The following L3MBTL4 variants were observed in gnomAD, a reference collection of about 807,000 sequenced individuals.
L3MBTL4 encodes L3MBTL histone methyl-lysine binding protein 4, also known as lethal(3)malignant brain tumor-like protein 4.
A neutral mutation model predicts 84.5 loss-of-function variants in L3MBTL4; 70 were observed. The ratio of observed to expected loss-of-function variants is 0.83; its 90% CI spans 0.68 to 1.01. The LOEUF (loss-of-function observed/expected upper bound fraction) is 1.01. Ranked by LOEUF, L3MBTL4 falls within the 50% of genes least tolerant of loss-of-function variation. The probability of loss-of-function intolerance (pLI) is 0.00; values close to 1 mark genes in which losing one functional copy is unlikely to be tolerated. For synonymous variants in L3MBTL4, 274 were observed against 259.8 expected (o/e 1.05, Z -0.52); for missense variants, 715 against 754.8 (o/e 0.95, Z 0.62).
At chr18:5,985,019 T>TA (rs1345960413) in intron 16 of L3MBTL4, among the ~76,000 whole-genome samples, 2 of 151,950 alleles carry the variant, frequency 1.3e-5, no homozygotes, top group Admixed American at 6.6e-5. Flanking sequence ...ATAACAGCAC[T>TA]ATGGGAAGGA....
chr18:6,145,844 G>A (rs997560831), intron 13 of L3MBTL4, among the ~76,000 whole-genome samples: 11 of 152,188 alleles, frequency 7.2e-5, no homozygotes, highest in Non-Finnish European at 1.3e-4. Context: ...GAAAGGCCCT[G>A]CCCCGGGAGC....
At chr18:6,270,202 C>T (rs571677593) in intron 4 of L3MBTL4, among the ~76,000 whole-genome samples, 3 of 152,300 alleles carry the variant, frequency 2.0e-5, no homozygotes, top group Admixed American at 6.5e-5. Flanking sequence ...AACAATACCC[C>T]GCTTAGGCCA....
intron 14 of L3MBTL4, among the ~76,000 whole-genome samples, chr18:6,112,363 C>G (rs1363204914): frequency 2.0e-5 from 3 of 152,226 alleles, no homozygotes; most frequent in Non-Finnish European, 4.4e-5. Context: ...TGAAATCTCT[C>G]CCTTTGCTGC....
intron 1 of L3MBTL4, among the ~76,000 whole-genome samples, chr18:6,390,873 C>T (rs72866745): frequency 0.014 from 2,095 of 152,164 alleles, 25 homozygotes; most frequent in Middle Eastern, 0.099. Flanking sequence ...TAGGGCCAGA[C>T]GTATTCACAG....
chr18:6,144,646 GC>G (rs2042571584), intron 13 of L3MBTL4, among the ~76,000 whole-genome samples: 1 of 152,158 alleles, frequency 6.6e-6, no homozygotes, highest in Non-Finnish European at 1.5e-5. Flanking sequence ...GCAACAATGT[GC>G]CCAGCTACAC....
chr18:6,286,020 C>T (rs180951142), intron 4 of L3MBTL4, among the ~76,000 whole-genome samples: 31 of 151,304 alleles, frequency 2.0e-4, no homozygotes, highest in Non-Finnish European at 3.7e-4. Context: ...CTAGTAGAGA[C>T]GGAGTTTCAC....
intron 13 of L3MBTL4, among the ~76,000 whole-genome samples, chr18:6,156,482 T>TGACGTAGGGC (rs1393481361): frequency 6.7e-6 from 1 of 148,572 alleles, no homozygotes; most frequent in East Asian, 1.9e-4. Flanking sequence ...TATTGTAGGG[T>TGACGTAGGGC]GACGTAGGGC....
chr18:6,040,436 A>G lies in L3MBTL4; in HGVS notation c.1444+40445T>C, dbSNP rs184893197. Among the ~76,000 whole-genome samples the G allele has an allele frequency of 2.6e-5, 4 of 152,328 alleles. No individual in the cohort carries two copies. The East Asian group carries it at 5.8e-4, about 22-fold the overall frequency. On this transcript the variant is annotated intron_variant, in intron 16 of 18. Coordinates refer to ENST00000317931, the MANE Select transcript of L3MBTL4 (RefSeq NM_001330559.2). The stretch of plus-strand genomic sequence containing the variant: ...AAGAATTATCTGACCCAAAATGTCT[A>G]TAGCATTGAGATAGAGATATCCTGC...
chr18:6,137,891 C>G (rs937180001), intron 14 of L3MBTL4, among the ~76,000 whole-genome samples: 8 of 152,164 alleles, frequency 5.3e-5, no homozygotes, highest in African/African-American at 1.9e-4. Context: ...TAGAAGAAAG[C>G]AAGTCTCAGG....
intron 14 of L3MBTL4, among the ~76,000 whole-genome samples, chr18:6,094,986 A>G (rs1198870642): frequency 6.6e-6 from 1 of 152,208 alleles, no homozygotes. Context: ...CTATTCAGGT[A>G]TTGATTCAAC....
intron 1 of L3MBTL4, among the ~76,000 whole-genome samples, chr18:6,357,555 A>G (rs559616444): frequency 2.1e-4 from 32 of 152,338 alleles, no homozygotes; most frequent in Middle Eastern, 3.4e-3. Flanking sequence ...ACAGGAATGC[A>G]CAAGTCCTCC....
chr18:6,048,845 T>C (rs533925325), intron 16 of L3MBTL4, among the ~76,000 whole-genome samples: 1 of 150,174 alleles, frequency 6.7e-6, no homozygotes, highest in Non-Finnish European at 1.5e-5. Flanking sequence ...CCTCCAGCCA[T>C]GTGATCTTCA....
chr18:6,257,280 G>C (rs2048184714), intron 5 of L3MBTL4, among the ~76,000 whole-genome samples: 1 of 152,138 alleles, frequency 6.6e-6, no homozygotes, highest in African/African-American at 2.4e-5. Context: ...AGAGGGCAGA[G>C]AGGAACTAAA....
intron 1 of L3MBTL4, among the ~76,000 whole-genome samples, chr18:6,367,994 G>C (rs1238545827): frequency 6.6e-6 from 1 of 152,144 alleles, no homozygotes; most frequent in Non-Finnish European, 1.5e-5. Flanking sequence ...AACATGCTTG[G>C]AAGGAAGATG....
At chr18:6,385,674 A>C (rs1453530136) in intron 1 of L3MBTL4, among the ~76,000 whole-genome samples, 1 of 152,210 alleles carries the variant, frequency 6.6e-6, no homozygotes, top group Non-Finnish European at 1.5e-5. Context: ...ATTAAGCCTT[A>C]ATTATTAGTT....
chr18:6,064,239 C>G (rs1285960093), intron 16 of L3MBTL4, among the ~76,000 whole-genome samples: 2 of 152,008 alleles, frequency 1.3e-5, no homozygotes, highest in Non-Finnish European at 1.5e-5. Flanking sequence ...ATACCAGTAC[C>G]ATGCCGCTTT....
intron 11 of L3MBTL4, among the ~76,000 whole-genome samples, chr18:6,214,729 C>A (rs538283894): frequency 5.9e-5 from 9 of 152,252 alleles, no homozygotes; most frequent in African/African-American, 1.7e-4. Flanking sequence ...CATCACTGTC[C>A]TGAACAACAG....
Position 6,021,260 on chromosome 18 carries a change from C to T in L3MBTL4, c.1445-51698G>A, listed in dbSNP as rs574221609. On this transcript the variant is annotated intron_variant, in intron 16 of 18. Transcript: ENST00000317931. Reference sequence around the variant, plus strand: ...TGTAGGCTGAGGGCGGGGAGGAGCTCTGCAGAGGCAAAGGAATATCTTGAA... The same window carrying T: ...TGTAGGCTGAGGGCGGGGAGGAGCTTTGCAGAGGCAAAGGAATATCTTGAA... Among the ~76,000 whole-genome samples, 22 of 152,330 alleles carry T rather than the reference C, an allele frequency of 1.4e-4. No homozygotes were observed. In the South Asian group the frequency reaches 4.4e-3, roughly 30 times the overall value.
intron 16 of L3MBTL4, among the ~76,000 whole-genome samples, chr18:6,024,035 C>T (rs964634421): frequency 6.6e-6 from 1 of 152,088 alleles, no homozygotes; most frequent in Admixed American, 6.5e-5. Context: ...AATAAAGATA[C>T]CCAGCTAATT....
Sources: gnomAD v4.1 joint callset for allele counts (sites outside exome capture counted in the v4.1 genomes callset) on GRCh38, gnomAD v4.1.1 for gene constraint, MANE v1.5 for transcripts, NCBI Gene and HGNC (gene_info 2026-07-23, HGNC 2026-07-21) for gene names.